The following RNF167 variants were observed in gnomAD, a reference collection of about 807,000 sequenced individuals.
RNF167 encodes E3 ubiquitin-protein ligase RNF167.
RNF167 carries 19 observed loss-of-function variants against 34.8 expected under a neutral mutation model. The ratio of observed to expected loss-of-function variants is 0.55; its 90% CI spans 0.38 to 0.80. The LOEUF is 0.80. Among genes scored for constraint, RNF167 ranks in the 30% least tolerant of loss-of-function variants. RNF167 has a pLI of 0.00. For missense variants in RNF167, 464 were observed against 447.0 expected (o/e 1.04, Z -0.34); for synonymous variants, 200 against 170.4 (o/e 1.17, Z -1.35).
At chr17:4,941,494 T>A (rs1025688751) in intron 3 of RNF167, among the ~76,000 whole-genome samples, 2 of 152,238 alleles carry the variant, frequency 1.3e-5, no homozygotes, top group African/African-American at 4.8e-5. Flanking sequence ...TTAATCTCTC[T>A]GAGCCTTAGT....
chr17:4,943,067 C>G lies in RNF167; in HGVS notation c.471-112C>G, dbSNP rs1415350074. ...CTTCCTTCCCTGCCTCTTTGACTTT[C>G]TTCCCATTCCTGTCCCCACCTATGG... is the stretch of plus-strand genomic sequence containing the variant. On this transcript the variant is annotated intron_variant, in intron 6 of 9. Coordinates refer to ENST00000262482, the MANE Select transcript of RNF167 (RefSeq NM_015528.3). The G allele has an allele frequency of 2.3e-6, 3 of 1,289,502 alleles. No homozygotes were observed. In the Admixed American group the frequency reaches 5.6e-5, roughly 24 times the overall value. 79.9% of individuals were successfully genotyped at this position (1,289,502 alleles called of 1,614,324 possible). A position where few individuals can be genotyped will look rare whatever the true frequency, so the allele number is the denominator to read the frequency against.
chr17:4,945,177 G>T lies in RNF167; in HGVS notation c.*161G>T. 1.7e-6 allele frequency: 1 copy of T among 588,864 alleles called. No homozygotes were observed. Among genetic ancestry groups the T allele is most frequent in the Admixed American group, 3.2e-5 (1 of 31,530 alleles). 36.5% of individuals were successfully genotyped at this position (588,864 alleles called of 1,614,324 possible). A position where few individuals can be genotyped will look rare whatever the true frequency, so the allele number is the denominator to read the frequency against. On this transcript the variant is annotated 3_prime_UTR_variant, in exon 10 of 10. Coordinates refer to ENST00000262482, the MANE Select transcript of RNF167 (RefSeq NM_015528.3). The stretch of plus-strand genomic sequence containing the variant: ...TGGAGCTGGGGCAAGCAGAGGGACT[G>T]GGTCTTCACTTCTTGGGCTAATAAA...
chr17:4,945,222 A>G lies in RNF167; in HGVS notation c.*206A>G, dbSNP rs572159626. The stretch of plus-strand genomic sequence containing the variant: ...AATAAAATTGTTTCTTTGTGGACTA[A>G]GGAAGGGTAAGATCATTCTCACACA... On this transcript the variant is annotated 3_prime_UTR_variant, in exon 10 of 10. Coordinates refer to ENST00000262482, the MANE Select transcript of RNF167 (RefSeq NM_015528.3). The G allele has an allele frequency of 1.0e-5, 5 of 490,850 alleles. No individual in the cohort carries two copies. In the East Asian group the frequency reaches 1.7e-4, roughly 17 times the overall value. The allele number at this position is 490,850 out of a possible 1,614,324, so 30.4% of individuals were successfully genotyped here. A position where few individuals can be genotyped will look rare whatever the true frequency, so the allele number is the denominator to read the frequency against.
chr17:4,944,139 A>G (rs1311085752), intron 8 of RNF167, among the ~76,000 whole-genome samples: 1 of 152,268 alleles, frequency 6.6e-6, no homozygotes, highest in Non-Finnish European at 1.5e-5. Flanking sequence ...GTGGGAAACA[A>G]TAGAGGGATA....
Position 4,943,155 on chromosome 17 carries a change from T to G in RNF167, c.471-24T>G, listed in dbSNP as rs367555283. 64 of 1,602,380 alleles carry G rather than the reference T, an allele frequency of 4.0e-5. No individual in the cohort carries two copies. Among genetic ancestry groups the G allele is most frequent in the Admixed American group, 3.3e-5 (2 of 59,776 alleles). On this transcript the variant is annotated intron_variant, in intron 6 of 9. Coordinates refer to ENST00000262482, the MANE Select transcript of RNF167 (RefSeq NM_015528.3). Reference sequence around the variant, plus strand: ...TCTCCCTTTGCCTTTCTCGCCCTGCTGAGACTGGTCATCCTTTTCCCAGGG... The same window carrying G: ...TCTCCCTTTGCCTTTCTCGCCCTGCGGAGACTGGTCATCCTTTTCCCAGGG...
Position 4,944,625 on chromosome 17 carries a change from C to A in RNF167, c.738C>A (p.Leu246=), listed in dbSNP as rs1362908290. Residue 246 remains leucine, a synonymous_variant, in exon 9 of 10, where the codon CTC becomes CTA. Transcript: ENST00000262482. ...AGGATGGGGACAAGCTGCGGGTACTCCCCTGTGCTCATGGTGAGGCCCTCA... is the reference window on the plus strand; with the variant it reads ...AGGATGGGGACAAGCTGCGGGTACTACCCTGTGCTCATGGTGAGGCCCTCA... ...EYEDGDKLRV[L]PCAHAYHSRC... is the part of the protein sequence containing the mutation. 1.2e-6 allele frequency: 2 copies of A among 1,613,944 alleles called. No individual in the cohort carries two copies. Among genetic ancestry groups the A allele is most frequent in the Non-Finnish European group, 1.7e-6 (2 of 1,179,922 alleles).
chr17:4,941,454 C>T lies in RNF167; in HGVS notation c.165+297C>T, dbSNP rs374881178. Among the ~76,000 whole-genome samples, 21 of 152,254 alleles carry T rather than the reference C, an allele frequency of 1.4e-4. No homozygotes were observed. In the South Asian group the frequency reaches 4.4e-3, roughly 32 times the overall value. ...GTCCTTATCAGGAAGGTCTCAGGTG[C>T]TAGTTATTGCTTATATGACTTTGGG... is the stretch of plus-strand genomic sequence containing the variant. On this transcript the variant is annotated intron_variant, in intron 3 of 9. Transcript: ENST00000262482.
intron 5 of RNF167, 79 bp downstream of exon 5, chr17:4,942,743 G>T (rs1567658477): frequency 6.3e-6 from 10 of 1,588,566 alleles, no homozygotes; most frequent in Admixed American, 1.7e-5. Context: ...CTCAGGAAAA[G>T]AAGCCAATCC....
At position 4,943,244 on chromosome 17, in the gene RNF167, G is replaced by C; in HGVS notation, c.536G>C (p.Gly179Ala). Reference sequence around the variant, plus strand: ...GGCTATTACCTCATCCCTTTCACAGGGATTGTGGGACTGCTGGTTTTGGCC... The same window carrying C: ...GGCTATTACCTCATCCCTTTCACAGCGATTGTGGGACTGCTGGTTTTGGCC... ...PLGYYLIPFT[G>A]IVGLLVLAMG... Residue 179 changes from glycine to alanine, a missense_variant, in exon 7 of 10, where the codon GGG becomes GCG. Transcript: ENST00000262482. The C allele has an allele frequency of 6.2e-7, 1 of 1,614,114 alleles. No individual in the cohort carries two copies. The highest frequency in any genetic ancestry group is 8.5e-7 in the Non-Finnish European group (1 of 1,180,018).
intron 9 of RNF167, 38 bp downstream of exon 9, chr17:4,944,676 C>G: frequency 6.2e-7 from 1 of 1,614,144 alleles, no homozygotes; most frequent in South Asian, 1.1e-5. Flanking sequence ...CCTCTGCCAC[C>G]AGCAGCCACC....
Sources: gnomAD v4.1 joint callset for allele counts (sites outside exome capture counted in the v4.1 genomes callset) on GRCh38, gnomAD v4.1.1 for gene constraint, MANE v1.5 for transcripts, NCBI Gene and HGNC (gene_info 2026-07-23, HGNC 2026-07-21) for gene names.